FSTL5: variants seen among roughly 807,000 people sequenced by gnomAD.
The protein encoded by FSTL5 is follistatin-related protein 5.
A neutral mutation model predicts 89.1 loss-of-function variants in FSTL5; 62 were observed. The observed-to-expected ratio is 0.70, with a 90% CI of 0.57 to 0.86. The LOEUF is 0.86. FSTL5 is among the 40% of genes least tolerant of loss of function. The pLI is 0.00. For missense variants in FSTL5, 1,057 were observed against 1,001.6 expected, an observed-to-expected ratio of 1.06 and a Z score of -0.75; for synonymous variants, 383 against 346.2, an observed-to-expected ratio of 1.11 and a Z score of -1.18.
chr4:161,408,543 ACTAGCTCC>A (rs1303062628), intron 15 of FSTL5, among the ~76,000 whole-genome samples: 1 of 152,206 alleles, frequency 6.6e-6, no homozygotes, highest in Non-Finnish European at 1.5e-5. Flanking sequence ...AAATGAGCTC[ACTAGCTCC>A]CTAGCAATAA....
chr4:161,641,753 A>G (rs1006789351), intron 7 of FSTL5, among the ~76,000 whole-genome samples: 5 of 151,972 alleles, frequency 3.3e-5, no homozygotes, highest in South Asian at 2.1e-4. Flanking sequence ...GCCTCCCAAA[A>G]TGCTGGGATT....
At chr4:161,500,292 A>AC (rs1301157930) in intron 11 of FSTL5, among the ~76,000 whole-genome samples, 158 bp from the exon 12 acceptor site, 1 of 152,082 alleles carries the variant, frequency 6.6e-6, no homozygotes, top group Non-Finnish European at 1.5e-5. Context: ...GTATACTCGC[A>AC]CCACTTTGTG....
At chr4:161,822,018 T>C (rs1325340554) in intron 4 of FSTL5, among the ~76,000 whole-genome samples, 6 of 152,190 alleles carry the variant, frequency 3.9e-5, no homozygotes, top group African/African-American at 1.4e-4. Flanking sequence ...ACACTGTTTT[T>C]CATAGTGGTT....
At chr4:162,149,813 C>G (rs952531780) in intron 1 of FSTL5, among the ~76,000 whole-genome samples, 1 of 152,008 alleles carries the variant, frequency 6.6e-6, no homozygotes, top group Non-Finnish European at 1.5e-5. Context: ...TATGATTTTA[C>G]TTAATTTGTA....
chr4:161,588,918 T>A (rs1354975858), intron 7 of FSTL5, among the ~76,000 whole-genome samples: 3 of 151,934 alleles, frequency 2.0e-5, no homozygotes, highest in Non-Finnish European at 4.4e-5. Flanking sequence ...CTCGAGAACA[T>A]ACATTTTCAT....
chr4:161,970,111 A>T (rs1021444507), intron 3 of FSTL5, among the ~76,000 whole-genome samples: 1 of 152,090 alleles, frequency 6.6e-6, no homozygotes, highest in Non-Finnish European at 1.5e-5. Context: ...GAACACTTAC[A>T]ATAATGTAGA....
chr4:161,397,597 C>A (rs887916036), intron 15 of FSTL5, among the ~76,000 whole-genome samples: 13 of 150,668 alleles, frequency 8.6e-5, no homozygotes, highest in Admixed American at 6.6e-4. Flanking sequence ...TAGTATTTGA[C>A]GATTGGTATT....
chr4:161,682,892 A>G (rs1737572585), intron 6 of FSTL5, among the ~76,000 whole-genome samples: 1 of 151,960 alleles, frequency 6.6e-6, no homozygotes, highest in Non-Finnish European at 1.5e-5. Context: ...GATTACAGGC[A>G]TGCACCACCA....
At position 161,545,458 on chromosome 4, in the gene FSTL5, T is replaced by C. The variant is rs1731971391; in HGVS notation, c.1016-2765A>G. Among the ~76,000 whole-genome samples, 4 of 152,160 alleles carry C rather than the reference T, an allele frequency of 2.6e-5. No homozygotes were observed. In the South Asian group the frequency reaches 8.3e-4, roughly 32 times the overall value. On this transcript the variant is annotated intron_variant, in intron 8 of 15. Transcript: ENST00000306100. ...TGTATTTCTTTAAGATCTGGCGCGTTGCTACATTGAATCAAATATAGTGAT... is the reference window on the plus strand; with the variant it reads ...TGTATTTCTTTAAGATCTGGCGCGTCGCTACATTGAATCAAATATAGTGAT...
At chr4:161,601,728 A>G (rs1734244544) in intron 7 of FSTL5, among the ~76,000 whole-genome samples, 1 of 152,090 alleles carries the variant, frequency 6.6e-6, no homozygotes, top group African/African-American at 2.4e-5. Flanking sequence ...CAATTAATAC[A>G]GCTCCCACCA....
At chr4:161,560,069 C>G (rs1173474498) in intron 8 of FSTL5, among the ~76,000 whole-genome samples, 1 of 151,452 alleles carries the variant, frequency 6.6e-6, no homozygotes, top group Non-Finnish European at 1.5e-5. Context: ...TCTTTTAGCT[C>G]ATCAGCCATC....
At chr4:161,918,516 C>T (rs945186570) in intron 4 of FSTL5, among the ~76,000 whole-genome samples, 5 of 152,116 alleles carry the variant, frequency 3.3e-5, no homozygotes, top group Admixed American at 2.6e-4. Flanking sequence ...TATACATTTA[C>T]TTTATAATAA....
At position 161,852,937 on chromosome 4, in the gene FSTL5, C is replaced by A. The variant is rs144053889; in HGVS notation, c.409+67467G>T. 7.7e-3 allele frequency among the ~76,000 whole-genome samples: 1,171 copies of A among 152,188 alleles called. 20 individuals carry two copies. Among genetic ancestry groups the A allele is most frequent in the African/African-American group, 0.025 (1,054 of 41,526 alleles). On this transcript the variant is annotated intron_variant, in intron 4 of 15. Coordinates refer to ENST00000306100, the MANE Select transcript of FSTL5 (RefSeq NM_020116.5). Reference sequence around the variant, plus strand: ...TGATCTGTGCAGCAAACCACGATGGCACACATTTACCTAAGTAAAAAACCT... The same window carrying A: ...TGATCTGTGCAGCAAACCACGATGGAACACATTTACCTAAGTAAAAAACCT...
intron 3 of FSTL5, among the ~76,000 whole-genome samples, chr4:162,022,113 T>C (rs1737111465): frequency 6.6e-6 from 1 of 151,262 alleles, no homozygotes; most frequent in African/African-American, 2.4e-5. Context: ...AAAAAAAAGT[T>C]ACTTAATGGG....
At chr4:161,621,053 G>A (rs968602560) in intron 7 of FSTL5, among the ~76,000 whole-genome samples, 1 of 152,062 alleles carries the variant, frequency 6.6e-6, no homozygotes, top group Non-Finnish European at 1.5e-5. Context: ...AGTTTGACCA[G>A]TATACTCCAA....
rs143482926 is a variant in FSTL5, at chr4:161,795,409, T to A, written c.410-19335A>T. 5.5e-3 allele frequency among the ~76,000 whole-genome samples: 839 copies of A among 152,182 alleles called. 5 individuals carry two copies. The highest frequency in any genetic ancestry group is 0.019 in the African/African-American group (802 of 41,546). Reference sequence around the variant, plus strand: ...AGACACCAACAGGCTGAGCACTTCATGAGAGGAAGGCCCGGAAGAACCCTA... The same window carrying A: ...AGACACCAACAGGCTGAGCACTTCAAGAGAGGAAGGCCCGGAAGAACCCTA... On this transcript the variant is annotated intron_variant, in intron 4 of 15. Coordinates refer to ENST00000306100, the MANE Select transcript of FSTL5 (RefSeq NM_020116.5).
intron 6 of FSTL5, among the ~76,000 whole-genome samples, chr4:161,667,463 C>G (rs573543558): frequency 2.0e-4 from 31 of 152,102 alleles, no homozygotes; most frequent in Admixed American, 7.9e-4. Flanking sequence ...CTTTAACATT[C>G]TAAGTACATT....
chr4:162,018,111 G>T (rs1736969179), intron 3 of FSTL5, among the ~76,000 whole-genome samples: 2 of 152,044 alleles, frequency 1.3e-5, no homozygotes, highest in African/African-American at 2.4e-5. Flanking sequence ...ATAGCCCTGT[G>T]CCTGCTTCCA....
chr4:161,638,677 C>T (rs1176799555), intron 7 of FSTL5, among the ~76,000 whole-genome samples: 6 of 136,248 alleles, frequency 4.4e-5, no homozygotes, highest in East Asian at 2.1e-4. Context: ...ATACCAAAGC[C>T]GGGCAGAGAC....
Sources: gnomAD v4.1 joint callset for allele counts (sites outside exome capture counted in the v4.1 genomes callset) on GRCh38, gnomAD v4.1.1 for gene constraint, MANE v1.5 for transcripts, NCBI Gene and HGNC (gene_info 2026-07-23, HGNC 2026-07-21) for gene names.